MKLN1: variants seen among roughly 807,000 people sequenced by gnomAD.
MKLN1 encodes the protein muskelin 1.
A neutral mutation model predicts 99.0 loss-of-function variants in MKLN1; 18 were observed. The observed-to-expected ratio is 0.18, with a 90% CI of 0.13 to 0.27. The LOEUF is 0.27. MKLN1 is among the 10% of genes least tolerant of loss of function. The pLI is 1.00. For synonymous variants in MKLN1, 288 were observed against 293.2 expected (o/e 0.98, Z 0.18); for missense variants, 621 against 875.9 (o/e 0.71, Z 3.67).
intron 3 of MKLN1, among the ~76,000 whole-genome samples, chr7:131,299,819 A>G (rs1798349348): frequency 6.6e-6 from 1 of 152,204 alleles, no homozygotes; most frequent in Admixed American, 6.5e-5. Context: ...AGGATTTGAC[A>G]TTTTCAGCAA....
chr7:131,266,538 C>A (rs1423631333), intron 3 of MKLN1, among the ~76,000 whole-genome samples: 1 of 152,032 alleles, frequency 6.6e-6, no homozygotes, highest in Non-Finnish European at 1.5e-5. Flanking sequence ...CGAATCTGAT[C>A]ACTGAGAGAA....
rs113750390 is a variant in MKLN1, at chr7:131,334,274, G to A, written c.98+6277G>A. Among the ~76,000 whole-genome samples, 765 of 152,242 alleles carry A rather than the reference G, an allele frequency of 5.0e-3. 6 individuals carry two copies. The highest frequency in any genetic ancestry group is 0.018 in the African/African-American group (729 of 41,540). ...GGAGGCATGCAACTCCCAGGAGACC[G>A]GATACTATTATGCCCTTCCTTTTCT... On this transcript the variant is annotated intron_variant, in intron 1 of 17. Transcript: ENST00000352689.
chr7:131,428,905 TA>T, intron 8 of MKLN1, 127 bp from the exon 9 acceptor site: 1 of 624,076 alleles, frequency 1.6e-6, no homozygotes, highest in Non-Finnish European at 2.8e-6. Flanking sequence ...GTTACCAGGT[TA>T]AAATTTTTAT....
chr7:131,195,164 C>T (rs1283231924), intron 2 of MKLN1, among the ~76,000 whole-genome samples: 1 of 152,126 alleles, frequency 6.6e-6, no homozygotes, highest in Non-Finnish European at 1.5e-5. Flanking sequence ...TACAATTTAT[C>T]ATCAGATTGG....
chr7:131,450,616 G>A (rs552626711), intron 12 of MKLN1, among the ~76,000 whole-genome samples: 3 of 152,144 alleles, frequency 2.0e-5, no homozygotes, highest in Admixed American at 6.5e-5. Context: ...CACGACCACC[G>A]AATATTAAAT....
chr7:131,409,829 TC>T (rs1164681565), intron 6 of MKLN1, among the ~76,000 whole-genome samples: 1 of 152,192 alleles, frequency 6.6e-6, no homozygotes, highest in Non-Finnish European at 1.5e-5. Context: ...AAGGCAGATT[TC>T]ATGGTTGGTT....
intron 9 of MKLN1, 49 bp from the exon 10 acceptor site, chr7:131,437,736 T>A (rs905653001): frequency 1.5e-6 from 2 of 1,354,828 alleles, no homozygotes; most frequent in South Asian, 1.3e-5. Flanking sequence ...CTTTGATTTT[T>A]TTTTGCTCTT....
intron 3 of MKLN1, among the ~76,000 whole-genome samples, chr7:131,306,933 C>T (rs923020049): frequency 2.6e-5 from 4 of 152,194 alleles, no homozygotes; most frequent in African/African-American, 9.7e-5. Context: ...GCAGCCCCTC[C>T]CATCACAGGC....
In MKLN1 at chr7:131,487,674, T is replaced by C. The variant is rs756443449; in HGVS notation, c.2154T>C (p.Phe718=). The stretch of plus-strand genomic sequence containing the variant: ...TCTTTGACACCTTAGTAAATTTCTT[T>C]CCTGACAGCATGACTCCTCCTAAAG... ...TQLFDTLVNF[F]PDSMTPPKGN... The change falls in exon 18 of 18, where the codon TTT becomes TTC. Residue 718 remains phenylalanine, a synonymous_variant. Coordinates refer to ENST00000352689, the MANE Select transcript of MKLN1 (RefSeq NM_013255.5). This position sits in a 1 kb window ranked among gnomAD's most constrained non-coding sequence, Gnocchi z 4.7. 4 of 1,613,190 alleles carry C rather than the reference T, an allele frequency of 2.5e-6. No individual in the cohort carries two copies. In the South Asian group the frequency reaches 3.3e-5, roughly 13 times the overall value.
chr7:131,345,407 A>G (rs182105340), intron 1 of MKLN1, among the ~76,000 whole-genome samples: 1 of 152,326 alleles, frequency 6.6e-6, no homozygotes, highest in East Asian at 1.9e-4. Flanking sequence ...ATTTTGGAAC[A>G]TTTCTGATTT....
intron 17 of MKLN1, among the ~76,000 whole-genome samples, chr7:131,480,983 T>C (rs1797107711): frequency 6.6e-6 from 1 of 152,230 alleles, no homozygotes; most frequent in African/African-American, 2.4e-5. Flanking sequence ...CTCCTTTCTT[T>C]TGACTCTGAC....
chr7:131,484,167 G>A (rs985993038), intron 17 of MKLN1, among the ~76,000 whole-genome samples: 6 of 152,038 alleles, frequency 3.9e-5, no homozygotes, highest in East Asian at 1.9e-4. Context: ...TTAACCATTC[G>A]TCTAATGATA....
chr7:131,174,960 TAG>T (rs1373945468), intron 2 of MKLN1, among the ~76,000 whole-genome samples: 7 of 16,512 alleles, frequency 4.2e-4, no homozygotes, highest in Admixed American at 2.1e-3. Context: ...AGATGATAGA[TAG>T]ATAGATAGAT....
chr7:131,321,411 C>T (rs138284057), intron 3 of MKLN1, among the ~76,000 whole-genome samples: 107 of 152,058 alleles, frequency 7.0e-4, no homozygotes, highest in African/African-American at 2.4e-3. Flanking sequence ...CATTAAACAC[C>T]GGGGCCAGTC....
At chr7:131,276,348 T>C (rs1797974856) in intron 3 of MKLN1, among the ~76,000 whole-genome samples, 1 of 151,898 alleles carries the variant, frequency 6.6e-6, no homozygotes, top group Admixed American at 6.6e-5. Context: ...GAAAGAAAAG[T>C]CTAGTTCAGA....
At chr7:131,407,058 A>G (rs560103217) in intron 6 of MKLN1, among the ~76,000 whole-genome samples, 132 of 152,020 alleles carry the variant, frequency 8.7e-4, no homozygotes, top group Non-Finnish European at 1.5e-3. Flanking sequence ...TTTTAACTGC[A>G]CATTTCTGTT....
In MKLN1 at chr7:131,399,416, T is replaced by C; in HGVS notation, c.686T>C (p.Ile229Thr). The change falls in exon 6 of 18, where the codon ATT becomes ACT. Residue 229 changes from isoleucine to threonine, a missense_variant. This residue lies in a region of MKLN1 where 361 missense variants were observed against 540.8 expected (regional missense o/e 0.67). Coordinates refer to ENST00000352689, the MANE Select transcript of MKLN1 (RefSeq NM_013255.5). ...GATTTTGATGCTTGCGAAGAGTTGA[T>C]TGAAAAGGCTGTAAATGGTATGAAA... ...KGDFDACEEL[I>T]EKAVNDGLFN... The C allele has an allele frequency of 6.2e-7, 1 of 1,613,902 alleles. No individual in the cohort carries two copies. Among genetic ancestry groups the C allele is most frequent in the Non-Finnish European group, 8.5e-7 (1 of 1,179,834 alleles).
At chr7:131,168,541 C>T (rs1480299826) in intron 2 of MKLN1, among the ~76,000 whole-genome samples, 1 of 152,126 alleles carries the variant, frequency 6.6e-6, no homozygotes, top group Non-Finnish European at 1.5e-5. Flanking sequence ...ATTAAGGATT[C>T]CCACTTTGCT....
At chr7:131,383,971 C>T (rs1793928269) in intron 2 of MKLN1, among the ~76,000 whole-genome samples, 1 of 152,170 alleles carries the variant, frequency 6.6e-6, no homozygotes, top group Admixed American at 6.5e-5. Context: ...TTAATCAGAT[C>T]ATAGCTTTTT....
Sources: gnomAD v4.1 joint callset for allele counts (sites outside exome capture counted in the v4.1 genomes callset) on GRCh38, gnomAD v4.1.1 for gene constraint, gnomAD v4.1.1 regional missense constraint, Gnocchi (gnomAD v3.1) non-coding constraint, MANE v1.5 for transcripts, NCBI Gene and HGNC (gene_info 2026-07-23, HGNC 2026-07-21) for gene names.